The following PTPRQ variants were observed in gnomAD, a reference collection of about 807,000 sequenced individuals.
PTPRQ encodes the protein protein tyrosine phosphatase receptor type Q, also known as phosphatidylinositol phosphatase PTPRQ.
PTPRQ carries 199 observed loss-of-function variants against 246.0 expected under a neutral mutation model. That is an observed-to-expected ratio of 0.81 (90% CI 0.72 to 0.91). PTPRQ has a LOEUF of 0.91. Among genes scored for constraint, PTPRQ ranks in the 40% least tolerant of loss-of-function variants. The pLI is 0.00. For missense variants in PTPRQ, 2,624 were observed against 2,528.4 expected (o/e 1.04, Z -0.81); for synonymous variants, 869 against 853.2 (o/e 1.02, Z -0.32).
intron 35 of PTPRQ, among the ~76,000 whole-genome samples, chr12:80,647,576 T>C (rs1419301365): frequency 6.6e-6 from 1 of 152,196 alleles, no homozygotes; most frequent in Non-Finnish European, 1.5e-5. Flanking sequence ...CAGTCCCCAC[T>C]GCAACTGTTA....
chr12:80,667,054 CAA>C (rs1444986325), intron 39 of PTPRQ, among the ~76,000 whole-genome samples: 1 of 151,926 alleles, frequency 6.6e-6, no homozygotes, highest in Non-Finnish European at 1.5e-5. Flanking sequence ...GAGTAAAAAG[CAA>C]AGTCTTATAA....
rs958869750 is a variant in PTPRQ, at chr12:80,618,170, C to G, written c.5231-1214C>G. Among the ~76,000 whole-genome samples the G allele has an allele frequency of 2.0e-5, 3 of 151,164 alleles. No homozygotes were observed. In the Admixed American group the frequency reaches 2.0e-4, roughly 10 times the overall value. On this transcript the variant is annotated intron_variant, in intron 30 of 44. Transcript: ENST00000644991. ...AAAAGAGTGAACTACAGAACCGAGT[C>G]AAAAAAATGTGATTCAAATGTTGAT...
chr12:80,544,773 A>G (rs1681593276), intron 23 of PTPRQ, among the ~76,000 whole-genome samples: 1 of 151,842 alleles, frequency 6.6e-6, no homozygotes, highest in Non-Finnish European at 1.5e-5. Flanking sequence ...GTATCAATTT[A>G]TATTATTTTC....
rs1330487603 is a variant in PTPRQ, at chr12:80,669,113, T to C, written c.6299T>C (p.Met2100Thr). The change falls in exon 40 of 45, where the codon ATG becomes ACG. Residue 2100 changes from methionine (M) to threonine (T), a missense_variant. Met to Thr is a moderately conservative substitution (Grantham distance 81). Coordinates refer to ENST00000644991, the MANE Select transcript of PTPRQ (RefSeq NM_001145026.2). ...GAAACCAGAGCAAAAACATTAGTAA[T>C]GCTAACACAGTGTTTTGAAAAAGGA... ...VWETRAKTLV[M>T]LTQCFEKGRI... The C allele has an allele frequency of 3.2e-6, 5 of 1,548,942 alleles. No homozygotes were observed. In the East Asian group the frequency reaches 1.2e-4, roughly 38 times the overall value.
intron 8 of PTPRQ, among the ~76,000 whole-genome samples, chr12:80,479,188 C>T (rs1176795478): frequency 6.6e-6 from 1 of 150,910 alleles, no homozygotes; most frequent in African/African-American, 2.4e-5. Context: ...TCGGCAGAAA[C>T]CCTACAAGCC....
chr12:80,613,515 C>A, intron 28 of PTPRQ, 77 bp from the exon 29 acceptor site: 1 of 1,383,140 alleles, frequency 7.2e-7, no homozygotes, highest in Non-Finnish European at 9.6e-7. Flanking sequence ...AACAGAAGTT[C>A]AAAGCAAATA....
intron 37 of PTPRQ, among the ~76,000 whole-genome samples, 155 bp downstream of exon 37, chr12:80,649,824 A>T (rs905901545): frequency 9.9e-5 from 15 of 152,096 alleles, no homozygotes; most frequent in African/African-American, 3.6e-4. Context: ...GTAATGTTAC[A>T]CTGGGCCGCC....
chr12:80,536,080 C>T (rs1411547399), intron 19 of PTPRQ, among the ~76,000 whole-genome samples: 1 of 152,142 alleles, frequency 6.6e-6, no homozygotes. Flanking sequence ...GCACTCCAGC[C>T]TGGGCGAGAG....
At chr12:80,568,380 T>C (rs1292216580) in intron 25 of PTPRQ, among the ~76,000 whole-genome samples, 1 of 152,202 alleles carries the variant, frequency 6.6e-6, no homozygotes, top group African/African-American at 2.4e-5. Context: ...GTTTTCAATA[T>C]TTTATCCTTT....
chr12:80,564,426 G>A (rs949455955), intron 25 of PTPRQ, among the ~76,000 whole-genome samples: 4 of 152,110 alleles, frequency 2.6e-5, no homozygotes, highest in African/African-American at 9.7e-5. Flanking sequence ...TACATAGTGG[G>A]AGGAGTGGAA....
intron 19 of PTPRQ, 114 bp downstream of exon 19, chr12:80,535,151 T>A: frequency 1.9e-6 from 2 of 1,077,986 alleles, no homozygotes; most frequent in East Asian, 2.9e-5. Flanking sequence ...TAGGCACAGA[T>A]GTATTTTATA....
At chr12:80,666,460 T>C (rs1463519960) in intron 39 of PTPRQ, among the ~76,000 whole-genome samples, 1 of 151,870 alleles carries the variant, frequency 6.6e-6, no homozygotes, top group Non-Finnish European at 1.5e-5. Context: ...AAATTACAGC[T>C]AGATAGGAGA....
chr12:80,553,516 G>T (rs955474946), intron 25 of PTPRQ, among the ~76,000 whole-genome samples: 3 of 152,050 alleles, frequency 2.0e-5, no homozygotes, highest in Non-Finnish European at 4.4e-5. Flanking sequence ...CACTGACTCC[G>T]TACTTATTTT....
At chr12:80,509,312 C>G (rs1301742170) in intron 16 of PTPRQ, among the ~76,000 whole-genome samples, 2 of 151,920 alleles carry the variant, frequency 1.3e-5, no homozygotes, top group African/African-American at 4.8e-5. Context: ...TGAGATTATT[C>G]AGAGAAGTAA....
chr12:80,656,432 A>T (rs1158752655), intron 38 of PTPRQ, among the ~76,000 whole-genome samples: 1 of 152,158 alleles, frequency 6.6e-6, no homozygotes, highest in Non-Finnish European at 1.5e-5. Context: ...TATGGTAGGC[A>T]GATCATCTAG....
At chr12:80,664,278 A>G (rs542504169) in intron 39 of PTPRQ, among the ~76,000 whole-genome samples, 37 of 151,956 alleles carry the variant, frequency 2.4e-4, no homozygotes, top group African/African-American at 6.3e-4. Flanking sequence ...CCTCATTTTC[A>G]CCTACATCTG....
At chr12:80,678,528 C>T (rs1372652863) in intron 43 of PTPRQ, 74 bp from the exon 44 acceptor site, 3 of 1,432,824 alleles carry the variant, frequency 2.1e-6, no homozygotes, top group Non-Finnish European at 2.8e-6. Flanking sequence ...CTGCTTTTAG[C>T]TTTAACAATA....
chr12:80,615,776 C>T (rs572340272), intron 29 of PTPRQ, among the ~76,000 whole-genome samples: 83 of 151,018 alleles, frequency 5.5e-4, no homozygotes, highest in African/African-American at 2.0e-3. Flanking sequence ...TACCTAGCTA[C>T]AGAGAGAAGG....
intron 25 of PTPRQ, among the ~76,000 whole-genome samples, chr12:80,568,213 A>C (rs1297384715): frequency 6.6e-6 from 1 of 152,240 alleles, no homozygotes; most frequent in African/African-American, 2.4e-5. Context: ...AAAACAAAAA[A>C]TTATTTAGTA....
Sources: gnomAD v4.1 joint callset for allele counts (sites outside exome capture counted in the v4.1 genomes callset) on GRCh38, gnomAD v4.1.1 for gene constraint, MANE v1.5 for transcripts, NCBI Gene and HGNC (gene_info 2026-07-23, HGNC 2026-07-21) for gene names.